RGS6: variants seen among roughly 807,000 people sequenced by gnomAD.
RGS6 encodes regulator of G protein signaling 6.
Under a neutral mutation model 78.5 loss-of-function variants are expected in RGS6, and 30 were observed. The observed-to-expected ratio is 0.38, with a 90% CI of 0.29 to 0.52. The LOEUF (loss-of-function observed/expected upper bound fraction) is 0.52, where lower values mean the gene tolerates loss of function less well. Among genes scored for constraint, RGS6 ranks in the 20% least tolerant of loss-of-function variants. The probability of loss-of-function intolerance (pLI) is 0.85; values close to 1 mark genes in which losing one functional copy is unlikely to be tolerated. For missense variants in RGS6, 495 were observed against 609.7 expected, an observed-to-expected ratio of 0.81 and a Z score of 1.98; for synonymous variants, 206 against 206.0, an observed-to-expected ratio of 1.00 and a Z score of 0.00.
intron 2 of RGS6, among the ~76,000 whole-genome samples, chr14:72,026,757 G>A (rs1435236982): frequency 1.3e-5 from 2 of 152,224 alleles, no homozygotes; most frequent in Non-Finnish European, 2.9e-5. Context: ...GATGAGCAAT[G>A]TATTCAGCCT....
intron 2 of RGS6, among the ~76,000 whole-genome samples, chr14:71,973,135 T>A (rs894613943): frequency 2.0e-5 from 3 of 152,220 alleles, no homozygotes; most frequent in Non-Finnish European, 4.4e-5. Context: ...AAGTAAGGGG[T>A]TAGCTATGCT....
At chr14:71,975,618 C>A (rs2094074948) in intron 2 of RGS6, among the ~76,000 whole-genome samples, 1 of 151,972 alleles carries the variant, frequency 6.6e-6, no homozygotes, top group South Asian at 2.1e-4. Context: ...GCCACCACGC[C>A]CAAATAATTT....
downstream of RGS6, among the ~76,000 whole-genome samples, chr14:72,567,234 C>T (rs1432207562): frequency 6.6e-6 from 1 of 152,196 alleles, no homozygotes; most frequent in Non-Finnish European, 1.5e-5. Flanking sequence ...GGGCCACCCC[C>T]TTGTGCAGGA....
At chr14:72,152,068 G>T (rs1442218748) in intron 2 of RGS6, among the ~76,000 whole-genome samples, 1 of 152,094 alleles carries the variant, frequency 6.6e-6, no homozygotes, top group Non-Finnish European at 1.5e-5. Context: ...ATGGGGTTTT[G>T]TGAAAATAAA....
chr14:72,213,455 G>A (rs1190088797), intron 2 of RGS6, among the ~76,000 whole-genome samples: 1 of 152,062 alleles, frequency 6.6e-6, no homozygotes, highest in Non-Finnish European at 1.5e-5. Flanking sequence ...ATGATTAGCT[G>A]AACGTTTACC....
At chr14:72,606,045 G>C in the RGS6 span, among the ~76,000 whole-genome samples, 1 of 151,968 alleles carries the variant, frequency 6.6e-6, no homozygotes, top group Non-Finnish European at 1.5e-5. Flanking sequence ...CGAGACCTCT[G>C]GGCATCCCCA....
chr14:72,208,892 A>G (rs565911456), intron 2 of RGS6, among the ~76,000 whole-genome samples: 3 of 152,346 alleles, frequency 2.0e-5, no homozygotes, highest in Middle Eastern at 3.4e-3. Flanking sequence ...GTCTATTACT[A>G]TACTTCCAAG....
At chr14:72,612,488 C>A in the RGS6 span, 38 of 518,326 alleles carry the variant, frequency 7.3e-5, no homozygotes, top group South Asian at 5.3e-4. Context: ...AAAATGTGCA[C>A]GGGGTATATT....
chr14:72,607,106 T>C, the RGS6 span, among the ~76,000 whole-genome samples: 3 of 152,170 alleles, frequency 2.0e-5, no homozygotes, highest in African/African-American at 4.8e-5. Flanking sequence ...CAATGTCAGT[T>C]TCTGGGCTGC....
intron 2 of RGS6, among the ~76,000 whole-genome samples, chr14:72,148,418 T>C (rs2096637953): frequency 6.6e-6 from 1 of 152,100 alleles, no homozygotes; most frequent in Non-Finnish European, 1.5e-5. Context: ...GAGGGTTTTA[T>C]TCAAAGAACA....
intron 2 of RGS6, among the ~76,000 whole-genome samples, chr14:72,028,355 G>A (rs765270771): frequency 6.6e-6 from 1 of 152,198 alleles, no homozygotes; most frequent in Non-Finnish European, 1.5e-5. Flanking sequence ...CCAGTAGCAG[G>A]AAATAAAAGA....
the RGS6 span, among the ~76,000 whole-genome samples, chr14:71,879,574 C>G: frequency 6.6e-6 from 1 of 152,064 alleles, no homozygotes; most frequent in African/African-American, 2.4e-5. Context: ...CCATGCTTTT[C>G]TCGTGGTAGT....
At chr14:72,423,292 C>G (rs959664633) in intron 3 of RGS6, among the ~76,000 whole-genome samples, 1 of 152,200 alleles carries the variant, frequency 6.6e-6, no homozygotes, top group Non-Finnish European at 1.5e-5. Flanking sequence ...TATGTCCCCC[C>G]ACCCCATGTC....
At chr14:72,526,124 G>A (rs1277157280) in intron 15 of RGS6, among the ~76,000 whole-genome samples, 2 of 148,668 alleles carry the variant, frequency 1.3e-5, no homozygotes, top group Non-Finnish European at 3.0e-5. Flanking sequence ...TTTTTTTTGA[G>A]AAGGAATCTT....
intron 2 of RGS6, among the ~76,000 whole-genome samples, chr14:72,286,671 C>G (rs2062619559): frequency 6.6e-6 from 1 of 152,000 alleles, no homozygotes; most frequent in Admixed American, 6.6e-5. Context: ...TTTATGTTTT[C>G]TTTAATTTAT....
At chr14:72,193,510 G>C (rs1567432359) in intron 2 of RGS6, among the ~76,000 whole-genome samples, 2 of 152,176 alleles carry the variant, frequency 1.3e-5, no homozygotes, top group Admixed American at 6.5e-5. Flanking sequence ...GGTACTTCTG[G>C]ACCCTTGGGA....
intron 2 of RGS6, among the ~76,000 whole-genome samples, chr14:72,330,893 A>G (rs2074865365): frequency 6.6e-6 from 1 of 152,062 alleles, no homozygotes; most frequent in Non-Finnish European, 1.5e-5. Flanking sequence ...GACAAGCTGC[A>G]CGTTTCTGTC....
At chr14:72,532,854 G>T (rs1056493282) in intron 15 of RGS6, among the ~76,000 whole-genome samples, 31 of 152,232 alleles carry the variant, frequency 2.0e-4, no homozygotes, top group African/African-American at 7.0e-4. Flanking sequence ...ACAGAGGTTG[G>T]TTCATGTGGT....
chr14:71,906,237 C>T, the RGS6 span, among the ~76,000 whole-genome samples: 1 of 152,224 alleles, frequency 6.6e-6, no homozygotes, highest in African/African-American at 2.4e-5. Context: ...ATAACTCTCT[C>T]AACACAGGCT....
Sources: gnomAD v4.1 joint callset for allele counts (sites outside exome capture counted in the v4.1 genomes callset) on GRCh38, gnomAD v4.1.1 for gene constraint, MANE v1.5 for transcripts, NCBI Gene and HGNC (gene_info 2026-07-23, HGNC 2026-07-21) for gene names.